The following KLF12 variants were observed in gnomAD, a reference collection of about 807,000 sequenced individuals.
KLF12 encodes the protein KLF transcription factor 12.
A neutral mutation model predicts 37.8 loss-of-function variants in KLF12; 9 were observed. The ratio of observed to expected loss-of-function variants is 0.24; its 90% CI spans 0.14 to 0.42. The LOEUF (loss-of-function observed/expected upper bound fraction) is 0.42. Among genes scored for constraint, KLF12 ranks in the 10% least tolerant of loss-of-function variants. The pLI, the probability that KLF12 is intolerant of heterozygous loss-of-function variation, is 1.00. For missense variants in KLF12, 411 were observed against 516.0 expected (o/e 0.80, Z 1.97); for synonymous variants, 208 against 202.1 (o/e 1.03, Z -0.25).
At chr13:73,913,335 C>A (rs1166154958) in intron 3 of KLF12, among the ~76,000 whole-genome samples, 1 of 152,126 alleles carries the variant, frequency 6.6e-6, no homozygotes, top group African/African-American at 2.4e-5. Flanking sequence ...GTAAATCTAG[C>A]AAAAACCAGC....
At chr13:74,071,676 G>T (rs1874259547) in intron 1 of KLF12, among the ~76,000 whole-genome samples, 1 of 152,176 alleles carries the variant, frequency 6.6e-6, no homozygotes, top group African/African-American at 2.4e-5. Flanking sequence ...CTGGGCGACA[G>T]AGCGAGACTC....
chr13:74,119,443 A>C (rs1877497578), intron 1 of KLF12, among the ~76,000 whole-genome samples: 1 of 152,214 alleles, frequency 6.6e-6, no homozygotes, highest in Non-Finnish European at 1.5e-5. Flanking sequence ...TGAAACTAAC[A>C]AATTGAGAGT....
intron 6 of KLF12, among the ~76,000 whole-genome samples, chr13:73,729,668 A>G (rs1047728217): frequency 6.6e-6 from 1 of 152,220 alleles, no homozygotes; most frequent in East Asian, 1.9e-4. Context: ...TATTATATGC[A>G]CTGTTGGTTT....
chr13:74,181,727 A>T, the KLF12 span, among the ~76,000 whole-genome samples: 5 of 148,156 alleles, frequency 3.4e-5, no homozygotes, highest in Admixed American at 2.0e-4. Flanking sequence ...AAAAAAAAAA[A>T]GGAAAATGAG....
chr13:73,737,593 G>A (rs1031001800), intron 6 of KLF12, among the ~76,000 whole-genome samples: 18 of 152,188 alleles, frequency 1.2e-4, no homozygotes, highest in African/African-American at 3.4e-4. Flanking sequence ...AAATACCTGT[G>A]AATCAGGTAC....
intron 3 of KLF12, among the ~76,000 whole-genome samples, chr13:73,875,514 CA>C (rs1397791640): frequency 1.3e-5 from 2 of 152,068 alleles, no homozygotes; most frequent in African/African-American, 4.8e-5. Flanking sequence ...CTTTGTTGTA[CA>C]TTGTGTGATA....
the KLF12 span, among the ~76,000 whole-genome samples, chr13:74,145,330 A>C: frequency 4.6e-5 from 7 of 152,202 alleles, no homozygotes; most frequent in Admixed American, 4.6e-4. Context: ...TCATTAAAAA[A>C]GTTTGGTTGA....
chr13:73,792,999 T>C (rs1242641328), intron 5 of KLF12, among the ~76,000 whole-genome samples: 1 of 152,220 alleles, frequency 6.6e-6, no homozygotes, highest in Non-Finnish European at 1.5e-5. Flanking sequence ...ATGTGTGCTC[T>C]AGTAACGTAC....
the KLF12 span, among the ~76,000 whole-genome samples, chr13:74,205,728 C>A: frequency 1.3e-5 from 2 of 152,190 alleles, no homozygotes; most frequent in Non-Finnish European, 2.9e-5. Context: ...CGAAACAAAG[C>A]AGCTGGAGCA....
chr13:73,914,344 C>T lies in KLF12; in HGVS notation c.123+29637G>A, dbSNP rs756935185. On this transcript the variant is annotated intron_variant, in intron 3 of 7. Coordinates refer to ENST00000377669, the MANE Select transcript of KLF12 (RefSeq NM_007249.5). Reference sequence around the variant, plus strand: ...CCTGGGACCCTAGGCTTGCTGCAGGCGTTCATCAGCAGGGGGTGGTTGTGC... The same window carrying T: ...CCTGGGACCCTAGGCTTGCTGCAGGTGTTCATCAGCAGGGGGTGGTTGTGC... Among the ~76,000 whole-genome samples, 15 of 152,208 alleles carry T rather than the reference C, an allele frequency of 9.9e-5. No homozygotes were observed. The South Asian group carries it at 1.5e-3, about 15-fold the overall frequency.
chr13:73,881,229 T>C (rs2138951399), intron 3 of KLF12, among the ~76,000 whole-genome samples: 1 of 152,288 alleles, frequency 6.6e-6, no homozygotes, highest in African/African-American at 2.4e-5. Context: ...TCTGTATTTT[T>C]GCATTCTGCT....
intron 6 of KLF12, among the ~76,000 whole-genome samples, chr13:73,720,485 A>C (rs902785598): frequency 2.6e-5 from 4 of 152,196 alleles, no homozygotes; most frequent in African/African-American, 9.6e-5. Context: ...TGTGTTCCCA[A>C]ATCCCGTACT....
chr13:73,855,404 T>C (rs1885554371), intron 3 of KLF12, among the ~76,000 whole-genome samples: 1 of 152,196 alleles, frequency 6.6e-6, no homozygotes. Context: ...TCCATGTTGC[T>C]ACAAAGGCCA....
chr13:74,138,415 C>T (rs1277589124), upstream of KLF12, among the ~76,000 whole-genome samples: 1 of 152,088 alleles, frequency 6.6e-6, no homozygotes, highest in African/African-American at 2.4e-5. Flanking sequence ...CAATAATGTG[C>T]AGCAAAGGGG....
chr13:73,894,558 T>C (rs1407118195), intron 3 of KLF12, among the ~76,000 whole-genome samples: 1 of 152,240 alleles, frequency 6.6e-6, no homozygotes, highest in African/African-American at 2.4e-5. Context: ...GCACGCCCAC[T>C]CTACTAAACT....
At chr13:74,156,535 C>A in the KLF12 span, among the ~76,000 whole-genome samples, 1 of 151,990 alleles carries the variant, frequency 6.6e-6, no homozygotes, top group Admixed American at 6.5e-5. Context: ...CTACAGCCAC[C>A]TTATTGTGCT....
At chr13:74,005,400 G>C (rs1892385618) in intron 1 of KLF12, among the ~76,000 whole-genome samples, 1 of 152,128 alleles carries the variant, frequency 6.6e-6, no homozygotes, top group African/African-American at 2.4e-5. Context: ...GCCTATCAGT[G>C]AGGATTCAAA....
intron 3 of KLF12, among the ~76,000 whole-genome samples, chr13:73,937,176 G>T (rs550248440): frequency 6.8e-6 from 1 of 146,642 alleles, no homozygotes; most frequent in East Asian, 2.0e-4. Flanking sequence ...GCGACAGAGC[G>T]AGACTCCGTC....
chr13:73,712,975 G>A (rs1251947933), intron 7 of KLF12, among the ~76,000 whole-genome samples: 3 of 152,124 alleles, frequency 2.0e-5, no homozygotes, highest in Admixed American at 6.6e-5. Context: ...TTGGGATGTC[G>A]GGAACTGAAC....
Sources: gnomAD v4.1 joint callset for allele counts (sites outside exome capture counted in the v4.1 genomes callset) on GRCh38, gnomAD v4.1.1 for gene constraint, MANE v1.5 for transcripts, NCBI Gene and HGNC (gene_info 2026-07-23, HGNC 2026-07-21) for gene names.